Variants in NUP98 observed in about 807,000 individuals in gnomAD.
NUP98 encodes the protein nuclear pore complex protein Nup98-Nup96.
In NUP98, 26 loss-of-function variants were observed where a neutral mutation model predicts 191.9. The observed-to-expected ratio is 0.14, with a 90% CI of 0.10 to 0.19. The LOEUF (loss-of-function observed/expected upper bound fraction) is 0.19. NUP98 is among the 10% of genes least tolerant of loss of function. NUP98 has a pLI of 1.00. For missense variants in NUP98, 1,941 were observed against 2,178.8 expected (o/e 0.89, Z 2.17); for synonymous variants, 808 against 778.4 (o/e 1.04, Z -0.63).
rs55821497 is a variant in NUP98, at chr11:3,720,832, CA to C, written c.2147-8del. On this transcript the variant is annotated splice_polypyrimidine_tract_variant and splice_region_variant and intron_variant, in intron 16 of 32. Transcript: ENST00000324932. The stretch of plus-strand genomic sequence containing the variant: ...ACCTTAGTGAGAATAATACCTGTGA[CA>C]AAAAAAAAAAAAAAAACAGAAAAAA... 48,816 of 369,602 alleles carry C rather than the reference CA, an allele frequency of 0.13. 159 individuals are homozygous for C. Among genetic ancestry groups the C allele is most frequent in the Middle Eastern group, 0.17 (230 of 1,386 alleles). The allele number at this position is 369,602 out of a possible 1,614,324, so 22.9% of individuals were successfully genotyped here.
At chr11:3,694,488 C>A (rs1196436507) in intron 26 of NUP98, among the ~76,000 whole-genome samples, 1 of 151,018 alleles carries the variant, frequency 6.6e-6, no homozygotes, top group Non-Finnish European at 1.5e-5. Context: ...CGCTTGTAAT[C>A]CCAGCACTTC....
At chr11:3,717,014 TTTTC>T (rs1281461547) in intron 18 of NUP98, among the ~76,000 whole-genome samples, 1 of 152,182 alleles carries the variant, frequency 6.6e-6, no homozygotes, top group African/African-American at 2.4e-5. Context: ...TATTAAGTTT[TTTTC>T]TTTGACACGT....
Position 3,723,282 on chromosome 11 carries a change from A to G in NUP98, c.2021T>C (p.Leu674Ser). 1 of 1,614,168 alleles carries G rather than the reference A, an allele frequency of 6.2e-7. No homozygotes were observed. The highest frequency in any genetic ancestry group is 8.5e-7 in the Non-Finnish European group (1 of 1,180,034). Residue 674 changes from leucine to serine, a missense_variant, in exon 16 of 33, where the codon TTA (leucine) becomes TCA (serine). Coordinates refer to ENST00000324932, the MANE Select transcript of NUP98 (RefSeq NM_016320.5). ...ATTTCGCAAAGCAGCACGCATGTTT[A>G]ATGCAACAATGGTATCATCCACACT... ...SNSVDDTIVA[L>S]NMRAALRNGL...
At chr11:3,768,433 A>AC in intron 8 of NUP98, 148 bp downstream of exon 8, 1 of 766,342 alleles carries the variant, frequency 1.3e-6, no homozygotes, top group South Asian at 4.1e-5. Context: ...AAAAAAAAAA[A>AC]AAAACTTTGT....
At chr11:3,775,378 A>G (rs1462993403) in intron 5 of NUP98, among the ~76,000 whole-genome samples, 1 of 152,080 alleles carries the variant, frequency 6.6e-6, no homozygotes, top group Non-Finnish European at 1.5e-5. Context: ...ACAAAAAACT[A>G]CAAAAAAATT....
intron 23 of NUP98, among the ~76,000 whole-genome samples, chr11:3,702,056 CA>C (rs1242823110): frequency 4.6e-5 from 7 of 151,770 alleles, no homozygotes; most frequent in Admixed American, 3.3e-4. Flanking sequence ...TTTGGGAGGC[CA>C]AGGTAGGACA....
intron 25 of NUP98, chr11:3,697,402 C>G (rs973323055): frequency 3.3e-5 from 5 of 152,204 alleles, no homozygotes; most frequent in Non-Finnish European, 2.9e-5. Context: ...CAAAATAAAT[C>G]CAGTCGATGG....
At chr11:3,760,419 A>AATC in intron 10 of NUP98, 120 bp downstream of exon 10, 1 of 1,408,958 alleles carries the variant, frequency 7.1e-7, no homozygotes, top group African/African-American at 1.4e-5. Flanking sequence ...CAATCATACG[A>AATC]ATCAGGAGAA....
intron 6 of NUP98, among the ~76,000 whole-genome samples, chr11:3,772,289 C>T (rs1035383169): frequency 1.3e-5 from 2 of 152,046 alleles, no homozygotes; most frequent in Non-Finnish European, 2.9e-5. Context: ...TATGTAGATT[C>T]TGTGGGGCAA....
At chr11:3,691,100 C>T (rs530125216) in intron 28 of NUP98, among the ~76,000 whole-genome samples, 145 of 152,290 alleles carry the variant, frequency 9.5e-4, no homozygotes, top group African/African-American at 3.4e-3. Flanking sequence ...GCGATAGTTA[C>T]TATAAAACTT....
chr11:3,797,486 T>TCGC lies in NUP98; in HGVS notation c.-118_-116dup, dbSNP rs952318612. The stretch of plus-strand genomic sequence containing the variant: ...GCAGCGCGCGGCCCCCACGAAACCG[T>TCGC]CGCCGCCGCCGCTACCACCCCTGCC... On this transcript the variant is annotated 5_prime_UTR_variant, in exon 1 of 33. Transcript: ENST00000324932. 34 of 432,134 alleles carry TCGC rather than the reference T, an allele frequency of 7.9e-5. No homozygotes were observed. The highest frequency in any genetic ancestry group is 1.3e-4 in the Admixed American group (3 of 22,848). 26.8% of individuals were successfully genotyped at this position (432,134 alleles called of 1,614,324 possible). A position where few individuals can be genotyped will look rare whatever the true frequency, so the allele number is the denominator to read the frequency against.
At chr11:3,719,730 T>C (rs893802840) in intron 17 of NUP98, among the ~76,000 whole-genome samples, 180 bp from the exon 18 acceptor site, 4 of 152,096 alleles carry the variant, frequency 2.6e-5, no homozygotes, top group African/African-American at 9.7e-5. Context: ...TCAATTACAC[T>C]GTTATCTGAT....
rs1204420184 is a variant in NUP98 at position 3,778,907 on chromosome 11, A to C, written c.321T>G (p.Asn107Lys). 2 of 1,614,094 alleles carry C rather than the reference A, an allele frequency of 1.2e-6. No homozygotes were observed. Among genetic ancestry groups the C allele is most frequent in the Non-Finnish European group, 1.7e-6 (2 of 1,180,036 alleles). Residue 107 changes from asparagine to lysine, a missense_variant, in exon 4 of 33, where the codon AAT becomes AAG. By Grantham distance (94) the Asn-to-Lys change is moderately conservative. Around this residue, in one of 6 missense-constraint regions of NUP98, gnomAD observed 154 missense variants for 182.9 expected, o/e 0.84. Transcript: ENST00000324932. Reference sequence around the variant, plus strand: ...CAGTTGGTTTATTTTGTGCAAAGGCATTGTTTTGGGATGAGAAGAGACTGG... The same window carrying C: ...CAGTTGGTTTATTTTGTGCAAAGGCCTTGTTTTGGGATGAGAAGAGACTGG... ...TGTSLFSSQNNAFAQNKPTGF... is the reference protein window; with the variant it reads ...TGTSLFSSQNKAFAQNKPTGF...
intron 28 of NUP98, among the ~76,000 whole-genome samples, chr11:3,687,073 A>G (rs1281786348): frequency 6.6e-6 from 1 of 152,080 alleles, no homozygotes; most frequent in African/African-American, 2.4e-5. Context: ...GGGACTACAG[A>G]TGCATGCCAC....
intron 20 of NUP98, among the ~76,000 whole-genome samples, chr11:3,711,390 T>C (rs1338196213): frequency 6.6e-6 from 1 of 152,186 alleles, no homozygotes; most frequent in African/African-American, 2.4e-5. Context: ...CTACTATTTC[T>C]ATTCTGGCAA....
intron 1 of NUP98, among the ~76,000 whole-genome samples, chr11:3,788,256 A>C (rs192286558): frequency 1.2e-4 from 18 of 152,234 alleles, no homozygotes; most frequent in African/African-American, 3.4e-4. Context: ...ACATAACCCT[A>C]ATCATTTTAG....
intron 28 of NUP98, 83 bp downstream of exon 28, chr11:3,691,264 T>C: frequency 1.4e-6 from 2 of 1,474,822 alleles, no homozygotes; most frequent in South Asian, 1.2e-5. Context: ...TCTGGGGACA[T>C]ATAAAAGGGA....
intron 10 of NUP98, among the ~76,000 whole-genome samples, chr11:3,756,295 G>A (rs1589889912): frequency 6.6e-6 from 1 of 152,076 alleles, no homozygotes; most frequent in African/African-American, 2.4e-5. Context: ...CATTTCCTCC[G>A]ATTCTCACTG....
At chr11:3,690,681 T>C (rs1238303802) in intron 28 of NUP98, among the ~76,000 whole-genome samples, 1 of 152,132 alleles carries the variant, frequency 6.6e-6, no homozygotes, top group Non-Finnish European at 1.5e-5. Context: ...TTAAAGAGGA[T>C]TTGGAGCAAC....
Sources: allele counts gnomAD v4.1 joint callset (sites outside exome capture counted in the v4.1 genomes callset), GRCh38; gene constraint gnomAD v4.1.1; regional missense constraint gnomAD v4.1.1; transcripts MANE v1.5; gene names NCBI Gene and HGNC (gene_info 2026-07-23, HGNC 2026-07-21).